ZHX3: variants seen among roughly 807,000 people sequenced by gnomAD.
ZHX3 encodes zinc fingers and homeoboxes 3.
ZHX3 carries 20 observed loss-of-function variants against 64.5 expected under a neutral mutation model. The observed-to-expected ratio is 0.31, with a 90% CI of 0.22 to 0.45. The LOEUF (loss-of-function observed/expected upper bound fraction) is 0.45. Among genes scored for constraint, ZHX3 ranks in the 20% least tolerant of loss-of-function variants. The pLI is 1.00. For missense variants in ZHX3, 1,041 were observed against 1,195.8 expected, an observed-to-expected ratio of 0.87 and a Z score of 1.91; for synonymous variants, 423 against 461.6, an observed-to-expected ratio of 0.92 and a Z score of 1.07.
intron 2 of ZHX3, among the ~76,000 whole-genome samples, chr20:41,240,547 T>C (rs1412397379): frequency 6.6e-6 from 1 of 152,198 alleles, no homozygotes; most frequent in Non-Finnish European, 1.5e-5. Flanking sequence ...TACTGTTATT[T>C]GTAAATGTAC....
chr20:41,314,012 T>C (rs1244062742), intron 1 of ZHX3, among the ~76,000 whole-genome samples: 1 of 152,254 alleles, frequency 6.6e-6, no homozygotes, highest in Non-Finnish European at 1.5e-5. Flanking sequence ...GGTCTCTGTT[T>C]GGATTGTGTT....
chr20:41,239,989 C>T (rs2041271699), intron 2 of ZHX3, among the ~76,000 whole-genome samples: 1 of 151,590 alleles, frequency 6.6e-6, no homozygotes, highest in Non-Finnish European at 1.5e-5. Context: ...CAGTCACACT[C>T]AATAGGCCAT....
chr20:41,259,312 A>C (rs1009421239), intron 2 of ZHX3, among the ~76,000 whole-genome samples: 6 of 152,348 alleles, frequency 3.9e-5, no homozygotes, highest in Admixed American at 3.9e-4. Flanking sequence ...TTTGCATACA[A>C]CTATAGGGAC....
At position 41,228,759 on chromosome 20, in the gene ZHX3, C is replaced by T. The variant is rs141043807; in HGVS notation, c.-150-23693G>A. Among the ~76,000 whole-genome samples, 195 of 152,324 alleles carry T rather than the reference C, an allele frequency of 1.3e-3. No homozygotes were observed. The highest frequency in any genetic ancestry group is 4.4e-3 in the African/African-American group (185 of 41,578). On this transcript the variant is annotated intron_variant, in intron 2 of 3. Transcript: ENST00000683867. This position sits in a 1 kb window ranked among gnomAD's most constrained non-coding sequence, Gnocchi z 4.6. ...GATACATTCAGTCCACTGCACCATACATCCAGATTTCCAAGCATACTTATT... is the reference window on the plus strand; with the variant it reads ...GATACATTCAGTCCACTGCACCATATATCCAGATTTCCAAGCATACTTATT...
At chr20:41,199,152 G>A (rs1380355007) in intron 3 of ZHX3, among the ~76,000 whole-genome samples, 5 of 151,728 alleles carry the variant, frequency 3.3e-5, no homozygotes, top group East Asian at 3.9e-4. Context: ...TTAGTTCTTC[G>A]TCCATGTTTT....
chr20:41,284,185 T>C (rs1055993996), intron 1 of ZHX3, among the ~76,000 whole-genome samples: 10 of 152,172 alleles, frequency 6.6e-5, no homozygotes, highest in Non-Finnish European at 1.3e-4. Context: ...ATACAGCTGT[T>C]TACCAAATAA....
intron 2 of ZHX3, among the ~76,000 whole-genome samples, chr20:41,235,522 A>C (rs2040918803): frequency 1.3e-5 from 2 of 152,238 alleles, no homozygotes; most frequent in Admixed American, 1.3e-4. Context: ...GACAAAAACC[A>C]CATGATTATC....
rs2146234286 is a variant in ZHX3, at chr20:41,203,273, G to C, written c.1644C>G (p.His548Gln). Reference protein sequence around the residue: ...VRKWFSDRRYHCRNLKGSRAM... With the variant: ...VRKWFSDRRYQCRNLKGSRAM... ...CTCTGGAGCCCTTCAAGTTCCGGCA[G>C]TGGTATCTACGATCACTGAACCATT... is the stretch of plus-strand genomic sequence containing the variant. The change falls in exon 3 of 4, where the codon CAC becomes CAG. Residue 548 changes from histidine (H) to glutamine (Q), a missense_variant. Around this residue, in one of 4 missense-constraint regions of ZHX3, gnomAD observed 649 missense variants for 739.8 expected, o/e 0.88. Transcript: ENST00000683867. The surrounding 1 kb of genome is among the most constrained non-coding windows in gnomAD (Gnocchi z 7.1). 1 of 1,614,198 alleles carries C rather than the reference G, an allele frequency of 6.2e-7. No individual in the cohort carries two copies. The highest frequency in any genetic ancestry group is 8.5e-7 in the Non-Finnish European group (1 of 1,180,036).
At chr20:41,311,621 A>G (rs2045139998) in intron 1 of ZHX3, among the ~76,000 whole-genome samples, 1 of 152,270 alleles carries the variant, frequency 6.6e-6, no homozygotes, top group Admixed American at 6.5e-5. Flanking sequence ...ATCAGAAGGC[A>G]GTAATGAATA....
chr20:41,240,550 A>AT (rs2041311846), intron 2 of ZHX3, among the ~76,000 whole-genome samples: 1 of 152,156 alleles, frequency 6.6e-6, no homozygotes, highest in Non-Finnish European at 1.5e-5. Context: ...TGTTATTTGT[A>AT]AATGTACGAT....
chr20:41,242,402 C>CA (rs1747307650), intron 2 of ZHX3, among the ~76,000 whole-genome samples: 1 of 152,180 alleles, frequency 6.6e-6, no homozygotes, highest in African/African-American at 2.4e-5. Flanking sequence ...AAAACACAAA[C>CA]ATCCATTAAG....
At chr20:41,305,405 C>T (rs982910982) in intron 1 of ZHX3, among the ~76,000 whole-genome samples, 2 of 151,564 alleles carry the variant, frequency 1.3e-5, no homozygotes, top group African/African-American at 4.9e-5. Context: ...AGGAGGGAGG[C>T]TACTTGATCC....
At chr20:41,223,104 A>G (rs1400663969) in intron 2 of ZHX3, among the ~76,000 whole-genome samples, 1 of 152,174 alleles carries the variant, frequency 6.6e-6, no homozygotes, top group African/African-American at 2.4e-5. Flanking sequence ...ACAAATTAAA[A>G]TTACTCTGAT....
chr20:41,279,170 C>G (rs78199938), intron 1 of ZHX3, among the ~76,000 whole-genome samples: 3,139 of 152,236 alleles, frequency 0.021, 60 homozygotes, highest in Non-Finnish European at 0.033. Context: ...CCTGGGTCAA[C>G]GAGTATGAAA....
chr20:41,280,210 T>C (rs2043604551), intron 1 of ZHX3, among the ~76,000 whole-genome samples: 1 of 152,190 alleles, frequency 6.6e-6, no homozygotes. Context: ...CCACTTGTGC[T>C]GAGAGAACCC....
rs947897931 is a variant in ZHX3 at position 41,200,023 on chromosome 20, A to G, written c.2860+2034T>C. Reference sequence around the variant, plus strand: ...CACAAAAACTTGACTTTTGGAGGACAAAGTTGTTATTGCCTACCCTGGCAC... The same window carrying G: ...CACAAAAACTTGACTTTTGGAGGACGAAGTTGTTATTGCCTACCCTGGCAC... On this transcript the variant is annotated intron_variant, in intron 3 of 3. Transcript: ENST00000683867. The surrounding 1 kb of genome is among the most constrained non-coding windows in gnomAD (Gnocchi z 4.2). 6.6e-6 allele frequency among the ~76,000 whole-genome samples: 1 copy of G among 152,152 alleles called. No homozygotes were observed. Among genetic ancestry groups the G allele is most frequent in the African/African-American group, 2.4e-5 (1 of 41,430 alleles).
intron 2 of ZHX3, among the ~76,000 whole-genome samples, chr20:41,234,899 G>A (rs6124332): frequency 0.11 from 16,816 of 152,232 alleles, 1,243 homozygotes; most frequent in South Asian, 0.24. Flanking sequence ...AAATACAAGA[G>A]TTGGTAAGTT....
intron 2 of ZHX3, among the ~76,000 whole-genome samples, chr20:41,255,918 C>T (rs1474517867): frequency 6.6e-6 from 1 of 152,176 alleles, no homozygotes; most frequent in African/African-American, 2.4e-5. Context: ...TGAGCAAACT[C>T]ACTAAGCCTT....
At chr20:41,245,059 G>A (rs1342527596) in intron 2 of ZHX3, among the ~76,000 whole-genome samples, 1 of 152,184 alleles carries the variant, frequency 6.6e-6, no homozygotes, top group Admixed American at 6.5e-5. Flanking sequence ...GTAAAGCTGA[G>A]GCTGGGGATG....
Sources: allele counts gnomAD v4.1 joint callset (sites outside exome capture counted in the v4.1 genomes callset), GRCh38; gene constraint gnomAD v4.1.1; regional missense constraint gnomAD v4.1.1; non-coding constraint Gnocchi (gnomAD v3.1); transcripts MANE v1.5; gene names NCBI Gene and HGNC (gene_info 2026-07-23, HGNC 2026-07-21).